Variants in ZNF76 observed in about 807,000 individuals in gnomAD.
ZNF76 encodes the protein zinc finger protein 523.
A neutral mutation model predicts 66.9 loss-of-function variants in ZNF76; 66 were observed. The observed-to-expected ratio is 0.99, with a 90% CI of 0.81 to 1.21. The LOEUF (loss-of-function observed/expected upper bound fraction) is 1.21. ZNF76 is among the 50% of genes most tolerant of loss of function. The pLI is 0.00. For missense variants in ZNF76, 729 were observed against 760.3 expected, an observed-to-expected ratio of 0.96 and a Z score of 0.48; for synonymous variants, 275 against 296.1, an observed-to-expected ratio of 0.93 and a Z score of 0.73.
chr6:35,287,604 T>TC lies in ZNF76; in HGVS notation c.233-38dup. ...AAGCTAGGGTCCCAGCTGTATCTCTTCCCCTTGTGTGGCATCAGGGCTAAC... is the reference window on the plus strand; with the variant it reads ...AAGCTAGGGTCCCAGCTGTATCTCTTCCCCCTTGTGTGGCATCAGGGCTAAC... On this transcript the variant is annotated intron_variant, in intron 4 of 13. Transcript: ENST00000373953. The surrounding 1 kb of genome is among the most constrained non-coding windows in gnomAD (Gnocchi z 4.0). 1 of 1,549,304 alleles carries TC rather than the reference T, an allele frequency of 6.5e-7. No homozygotes were observed. Among genetic ancestry groups the TC allele is most frequent in the South Asian group, 1.2e-5 (1 of 81,620 alleles).
chr6:35,294,117 T>C, intron 12 of ZNF76: 1 of 635,436 alleles, frequency 1.6e-6, no homozygotes, highest in South Asian at 2.1e-5. Context: ...AGACACTTTC[T>C]AAATCTCAAT....
rs781687122 is a variant in ZNF76 at position 35,291,610 on chromosome 6, A to G, written c.804A>G (p.Thr268=). The change falls in exon 9 of 14, where the codon ACA becomes ACG. Residue 268 remains threonine (T), a synonymous_variant. Coordinates refer to ENST00000373953, the MANE Select transcript of ZNF76 (RefSeq NM_003427.5). The part of the protein sequence containing the change: ...PFEGCGRSFT[T]SNIRKVHVRT... The stretch of plus-strand genomic sequence containing the variant: ...AGGGCTGTGGCCGCTCCTTCACCAC[A>G]TCTAACATCCGCAAGGTACATGTGC... 1.2e-6 allele frequency: 2 copies of G among 1,613,940 alleles called. No homozygotes were observed. The highest frequency in any genetic ancestry group is 1.7e-6 in the Non-Finnish European group (2 of 1,179,926).
intron 8 of ZNF76, 73 bp from the exon 9 acceptor site, chr6:35,291,485 C>T: frequency 1.2e-6 from 2 of 1,608,310 alleles, no homozygotes; most frequent in South Asian, 2.2e-5. Flanking sequence ...ACCTGGAGCC[C>T]AGTGCCATCC....
intron 1 of ZNF76, chr6:35,270,466 T>G (rs1232725339): frequency 6.6e-6 from 1 of 152,086 alleles, no homozygotes; most frequent in African/African-American, 2.4e-5. Flanking sequence ...AGATATTCCC[T>G]GAAAAGTCGC....
In ZNF76 at chr6:35,292,309, G is replaced by T; in HGVS notation, c.932-245G>T. ...GTGCCCCCTACCAGCCCCTTCACTA[G>T]CCCCAGCCTTGCCCTGTCCCCCGTT... On this transcript the variant is annotated intron_variant, in intron 9 of 13. Coordinates refer to ENST00000373953, the MANE Select transcript of ZNF76 (RefSeq NM_003427.5). The surrounding 1 kb of genome is among the most constrained non-coding windows in gnomAD (Gnocchi z 4.7). The T allele has an allele frequency of 3.7e-6, 2 of 535,448 alleles. No homozygotes were observed. The highest frequency in any genetic ancestry group is 6.8e-6 in the Non-Finnish European group (2 of 294,982). 33.2% of individuals were successfully genotyped at this position (535,448 alleles called of 1,614,324 possible).
intron 1 of ZNF76, among the ~76,000 whole-genome samples, chr6:35,268,635 A>G (rs536959001): frequency 2.0e-5 from 3 of 152,176 alleles, no homozygotes; most frequent in African/African-American, 7.2e-5. Flanking sequence ...CCCCATCTCT[A>G]CTAAAAATAC....
chr6:35,287,344 G>A lies in ZNF76; in HGVS notation c.233-302G>A, dbSNP rs546078068. On this transcript the variant is annotated intron_variant, in intron 4 of 13. Coordinates refer to ENST00000373953, the MANE Select transcript of ZNF76 (RefSeq NM_003427.5). The surrounding 1 kb of genome is among the most constrained non-coding windows in gnomAD (Gnocchi z 4.0). ...TTGTGCTGCCTGGAGGGAACTAGAG[G>A]GGGTGAGGAGCGACTGGTCAGGAGG... Among the ~76,000 whole-genome samples the A allele has an allele frequency of 1.5e-4, 23 of 152,276 alleles. No individual in the cohort carries two copies. The highest frequency in any genetic ancestry group is 4.6e-4 in the African/African-American group (19 of 41,548).
In ZNF76 at chr6:35,287,563, A is replaced by G. The variant is rs1052074030; in HGVS notation, c.233-83A>G. ...TGTTGAAACCCTCCTTGGTATATGT[A>G]TCTCTCATTAACTTAAAGCTAGGGT... On this transcript the variant is annotated intron_variant, in intron 4 of 13. Coordinates refer to ENST00000373953, the MANE Select transcript of ZNF76 (RefSeq NM_003427.5). This position sits in a 1 kb window ranked among gnomAD's most constrained non-coding sequence, Gnocchi z 4.0. 24 of 1,281,378 alleles carry G rather than the reference A, an allele frequency of 1.9e-5. No individual in the cohort carries two copies. The highest frequency in any genetic ancestry group is 2.5e-5 in the Non-Finnish European group (23 of 921,762). The allele number at this position is 1,281,378 out of a possible 1,614,324, so 79.4% of individuals were successfully genotyped here.
In ZNF76 at chr6:35,292,028, G is replaced by C. The variant is rs1350430986; in HGVS notation, c.931+291G>C. ...GTTCTCCAACTCTGACTGAACTCTT[G>C]AAAAGAGGCCAGGGTCAGGAATGAT... On this transcript the variant is annotated intron_variant, in intron 9 of 13. Transcript: ENST00000373953. The surrounding 1 kb of genome is among the most constrained non-coding windows in gnomAD (Gnocchi z 4.7). 17 of 516,386 alleles carry C rather than the reference G, an allele frequency of 3.3e-5. No individual in the cohort carries two copies. Among genetic ancestry groups the C allele is most frequent in the Non-Finnish European group, 3.5e-5 (10 of 283,542 alleles). The allele number at this position is 516,386 out of a possible 1,614,324, so 32.0% of individuals were successfully genotyped here.
chr6:35,269,547 G>A (rs1468123880), intron 1 of ZNF76, among the ~76,000 whole-genome samples: 1 of 152,098 alleles, frequency 6.6e-6, no homozygotes, highest in Non-Finnish European at 1.5e-5. Context: ...TTCATTTGTT[G>A]GGAGTTCCTG....
At chr6:35,264,644 G>A (rs2150336577) in intron 1 of ZNF76, among the ~76,000 whole-genome samples, 1 of 152,282 alleles carries the variant, frequency 6.6e-6, no homozygotes, top group South Asian at 2.1e-4. Context: ...CTGTTCCTTG[G>A]AAAACACCTC....
intron 5 of ZNF76, chr6:35,288,460 A>G: frequency 3.1e-6 from 1 of 325,572 alleles, no homozygotes. Flanking sequence ...TGTGGGGAAA[A>G]GGGTACAGAC....
chr6:35,292,924 G>A lies in ZNF76; in HGVS notation c.1209G>A (p.Arg403=). 1 of 1,614,222 alleles carries A rather than the reference G, an allele frequency of 6.2e-7. No homozygotes were observed. Among genetic ancestry groups the A allele is most frequent in the Admixed American group, 1.7e-5 (1 of 60,024 alleles). The change falls in exon 11 of 14, where the codon CGG becomes CGA. Residue 403 remains arginine, a synonymous_variant. Coordinates refer to ENST00000373953, the MANE Select transcript of ZNF76 (RefSeq NM_003427.5). This position sits in a 1 kb window ranked among gnomAD's most constrained non-coding sequence, Gnocchi z 4.7. ...AEESPPPKRP[R]IAYLSEVKEE... is the part of the protein sequence containing the mutation. ...AGAGTCCGCCACCCAAACGACCCCG[G>A]ATAGCTTACCTTTCGGAGGTGAAGG...
At chr6:35,289,008 C>T (rs1790002665) in intron 5 of ZNF76, among the ~76,000 whole-genome samples, 2 of 151,740 alleles carry the variant, frequency 1.3e-5, no homozygotes, top group Middle Eastern at 3.4e-3. Context: ...TTCACTCCCA[C>T]CCAGGTTCCC....
At chr6:35,259,582 C>T (rs527989611), upstream of ZNF76, 4 of 152,274 alleles carry the variant, frequency 2.6e-5, no homozygotes, top group East Asian at 7.7e-4. Context: ...AGCCCCGGAA[C>T]CAGGATAAGT....
At chr6:35,282,640 A>G (rs1288809671) in intron 2 of ZNF76, among the ~76,000 whole-genome samples, 2 of 152,076 alleles carry the variant, frequency 1.3e-5, no homozygotes, top group African/African-American at 4.8e-5. Flanking sequence ...CGTTTTCTGG[A>G]CTCCATGATT....
intron 1 of ZNF76, among the ~76,000 whole-genome samples, chr6:35,272,463 C>T (rs1787219453): frequency 1.6e-5 from 2 of 125,592 alleles, no homozygotes; most frequent in African/African-American, 6.1e-5. Context: ...GAGCAAGACC[C>T]TGTTTCTGTG....
Position 35,290,258 on chromosome 6 carries a change from T to TC in ZNF76, c.433-3dup. On this transcript the variant is annotated splice_region_variant and splice_polypyrimidine_tract_variant and intron_variant, in intron 5 of 13. Transcript: ENST00000373953. ...ATACATATAGGGATCTCAAGACTTTTCCCCCAGGTTCTTCATGACAGCCAG... is the reference window on the plus strand; with the variant it reads ...ATACATATAGGGATCTCAAGACTTTTCCCCCCAGGTTCTTCATGACAGCCAG... 6.2e-7 allele frequency: 1 copy of TC among 1,614,064 alleles called. No individual in the cohort carries two copies. Among genetic ancestry groups the TC allele is most frequent in the Non-Finnish European group, 8.5e-7 (1 of 1,179,970 alleles).
chr6:35,260,198 C>A (rs1785010527), intron 1 of ZNF76, among the ~76,000 whole-genome samples: 1 of 152,158 alleles, frequency 6.6e-6, no homozygotes, highest in African/African-American at 2.4e-5. Flanking sequence ...ACCCACCAAC[C>A]AGTGACTCCC....
Sources: allele counts gnomAD v4.1 joint callset (sites outside exome capture counted in the v4.1 genomes callset), GRCh38; gene constraint gnomAD v4.1.1; non-coding constraint Gnocchi (gnomAD v3.1); transcripts MANE v1.5; gene names NCBI Gene and HGNC (gene_info 2026-07-23, HGNC 2026-07-21).